BTBD9: variants seen among roughly 807,000 people sequenced by gnomAD.
BTBD9 encodes BTB domain containing 9.
BTBD9 carries 49 observed loss-of-function variants against 64.3 expected under a neutral mutation model. The ratio of observed to expected loss-of-function variants is 0.76; its 90% CI spans 0.61 to 0.97. BTBD9 has a LOEUF of 0.97. Ranked by LOEUF, BTBD9 falls within the 50% of genes least tolerant of loss-of-function variation. The pLI is 0.00. For synonymous variants in BTBD9, 260 were observed against 274.7 expected (o/e 0.95, Z 0.53); for missense variants, 598 against 762.1 (o/e 0.78, Z 2.53).
chr6:38,332,592 T>A (rs999548154), intron 7 of BTBD9, among the ~76,000 whole-genome samples: 3 of 152,204 alleles, frequency 2.0e-5, no homozygotes, highest in Non-Finnish European at 4.4e-5. Context: ...TCATTTTTTA[T>A]TTTTTATTTT....
At chr6:38,491,229 T>C (rs1289694328) in intron 6 of BTBD9, among the ~76,000 whole-genome samples, 6 of 152,224 alleles carry the variant, frequency 3.9e-5, no homozygotes, top group Non-Finnish European at 8.8e-5. Flanking sequence ...CTCTGTCCCG[T>C]GGAAATACCC....
At chr6:38,460,096 G>T (rs1770006288) in intron 6 of BTBD9, among the ~76,000 whole-genome samples, 1 of 152,192 alleles carries the variant, frequency 6.6e-6, no homozygotes, top group African/African-American at 2.4e-5. Context: ...ATTTCGGGGA[G>T]ATAATCTGTT....
chr6:38,504,588 A>C (rs747840138), intron 6 of BTBD9: 64 of 456,550 alleles, frequency 1.4e-4, no homozygotes, highest in Non-Finnish European at 2.6e-4. Flanking sequence ...GGATTTTTTT[A>C]GGCTTTGGGG....
chr6:38,386,405 A>G (rs992376636), intron 6 of BTBD9, among the ~76,000 whole-genome samples: 48 of 152,144 alleles, frequency 3.2e-4, no homozygotes, highest in African/African-American at 1.0e-3. Context: ...AAGAAATGTG[A>G]GATGCTCCAA....
chr6:38,401,659 G>A (rs1766932247), intron 6 of BTBD9, among the ~76,000 whole-genome samples: 1 of 152,204 alleles, frequency 6.6e-6, no homozygotes, highest in South Asian at 2.1e-4. Context: ...TTCCAGGATA[G>A]AGCTATTATG....
chr6:38,598,270 TA>T, intron 1 of BTBD9, 149 bp from the exon 2 acceptor site: 1 of 585,290 alleles, frequency 1.7e-6, no homozygotes, highest in Non-Finnish European at 2.9e-6. Context: ...TTAACCCATT[TA>T]TTTTGAGAAG....
At chr6:38,470,240 A>T (rs1770588001) in intron 6 of BTBD9, among the ~76,000 whole-genome samples, 2 of 152,214 alleles carry the variant, frequency 1.3e-5, no homozygotes, top group Non-Finnish European at 2.9e-5. Context: ...AAAAATAACC[A>T]CGGGAGGACA....
chr6:38,503,983 C>T (rs1237751968), intron 6 of BTBD9, among the ~76,000 whole-genome samples: 1 of 152,168 alleles, frequency 6.6e-6, no homozygotes, highest in Non-Finnish European at 1.5e-5. Flanking sequence ...TCTTGCCCCT[C>T]TTTGAACCTT....
At chr6:38,446,560 G>A (rs1282981413) in intron 6 of BTBD9, among the ~76,000 whole-genome samples, 2 of 152,094 alleles carry the variant, frequency 1.3e-5, no homozygotes, top group African/African-American at 4.8e-5. Context: ...ATTTTGGCAT[G>A]TCCACTCGTA....
chr6:38,341,543 T>C (rs1461063275), intron 7 of BTBD9, among the ~76,000 whole-genome samples: 3 of 152,142 alleles, frequency 2.0e-5, no homozygotes, highest in Non-Finnish European at 4.4e-5. Context: ...AAACACAAGA[T>C]TAAAAGGAAG....
In BTBD9 at chr6:38,451,068, A is replaced by AT. The variant is rs142572930; in HGVS notation, c.1155-105976dup. ...CAAGATGAGCTAAAATGAGTCAGTG[A>AT]TTCTTTTCTGCTTTTCCAATCACAT... On this transcript the variant is annotated intron_variant, in intron 6 of 10. Coordinates refer to ENST00000481247, the MANE Select transcript of BTBD9 (RefSeq NM_001099272.2). Among the ~76,000 whole-genome samples, 474 of 152,244 alleles carry AT rather than the reference A, an allele frequency of 3.1e-3. 2 individuals carry two copies. The highest frequency in any genetic ancestry group is 0.011 in the African/African-American group (453 of 41,550).
At chr6:38,190,614 C>T (rs776894648) in intron 10 of BTBD9, among the ~76,000 whole-genome samples, 9 of 152,124 alleles carry the variant, frequency 5.9e-5, no homozygotes, top group Non-Finnish European at 1.2e-4. Flanking sequence ...TAACTAGTGA[C>T]CTACTATCCA....
intron 9 of BTBD9, among the ~76,000 whole-genome samples, chr6:38,252,340 G>A (rs939518407): frequency 1.3e-5 from 2 of 152,168 alleles, no homozygotes; most frequent in Admixed American, 6.5e-5. Flanking sequence ...CCTCTCTTGA[G>A]GTCTGCACTG....
At chr6:38,233,257 C>T (rs923736653) in intron 9 of BTBD9, among the ~76,000 whole-genome samples, 1 of 152,168 alleles carries the variant, frequency 6.6e-6, no homozygotes, top group East Asian at 1.9e-4. Context: ...AATTCATTCA[C>T]TATTTTTTTA....
At chr6:38,575,430 T>C (rs901146026) in intron 6 of BTBD9, among the ~76,000 whole-genome samples, 1 of 152,192 alleles carries the variant, frequency 6.6e-6, no homozygotes, top group Non-Finnish European at 1.5e-5. Context: ...AAAGCTGACA[T>C]ACAAACGTGC....
intron 6 of BTBD9, among the ~76,000 whole-genome samples, chr6:38,346,317 T>C (rs1476975539): frequency 6.6e-6 from 1 of 152,200 alleles, no homozygotes; most frequent in African/African-American, 2.4e-5. Flanking sequence ...GGTTTTTATA[T>C]CATGGGCTAT....
intron 6 of BTBD9, among the ~76,000 whole-genome samples, chr6:38,394,290 G>A (rs1766568872): frequency 6.6e-6 from 1 of 152,250 alleles, no homozygotes; most frequent in East Asian, 1.9e-4. Flanking sequence ...TAGGCAATTG[G>A]TGCTGATGGT....
chr6:38,248,609 G>A (rs750644087), intron 9 of BTBD9, among the ~76,000 whole-genome samples: 3 of 152,194 alleles, frequency 2.0e-5, no homozygotes, highest in African/African-American at 4.8e-5. Context: ...CCAAGCACAC[G>A]AAAGGTAAGG....
chr6:38,529,488 G>A (rs1773681279), intron 6 of BTBD9, among the ~76,000 whole-genome samples: 1 of 152,168 alleles, frequency 6.6e-6, no homozygotes, highest in Non-Finnish European at 1.5e-5. Flanking sequence ...GACAAGCCCA[G>A]ACTGCAAAGA....
Sources: gnomAD v4.1 joint callset for allele counts (sites outside exome capture counted in the v4.1 genomes callset) on GRCh38, gnomAD v4.1.1 for gene constraint, MANE v1.5 for transcripts, NCBI Gene and HGNC (gene_info 2026-07-23, HGNC 2026-07-21) for gene names.